The following UST variants were observed in gnomAD, a reference collection of about 807,000 sequenced individuals.
UST encodes chondroitin sulfate 2-O-sulfotransferase.
Under a neutral mutation model 45.6 loss-of-function variants are expected in UST, and 21 were observed. That is an observed-to-expected ratio of 0.46 (90% CI 0.33 to 0.66). The LOEUF is 0.66. Ranked by LOEUF, UST falls within the 30% of genes least tolerant of loss-of-function variation. The pLI is 0.02. For missense variants in UST, 463 were observed against 512.4 expected, an observed-to-expected ratio of 0.90 and a Z score of 0.93; for synonymous variants, 215 against 200.6, an observed-to-expected ratio of 1.07 and a Z score of -0.61.
chr6:148,952,870 G>A (rs1174291929), intron 3 of UST, among the ~76,000 whole-genome samples: 1 of 152,180 alleles, frequency 6.6e-6, no homozygotes, highest in Non-Finnish European at 1.5e-5. Flanking sequence ...AAAAACTAGG[G>A]AAAGAGAAGT....
intron 2 of UST, among the ~76,000 whole-genome samples, chr6:148,929,217 T>C (rs117058154): frequency 0.03 from 4,500 of 152,232 alleles, 78 homozygotes; most frequent in Non-Finnish European, 0.038. Context: ...TTAGCAGAAA[T>C]CTGACTTGTT....
At chr6:149,021,292 C>A (rs536325698) in intron 6 of UST, 32 bp from the exon 7 acceptor site, 884 of 1,557,334 alleles carry the variant, frequency 5.7e-4, no homozygotes, top group Non-Finnish European at 7.3e-4. Context: ...ATATGAATGT[C>A]TGATTTTAAA....
At chr6:149,036,455 T>TA (rs1205119972) in intron 7 of UST, among the ~76,000 whole-genome samples, 3 of 152,242 alleles carry the variant, frequency 2.0e-5, no homozygotes, top group African/African-American at 7.2e-5. Context: ...CATCTTTTAA[T>TA]AAAATGCCAT....
At chr6:148,964,658 C>T (rs1424367481) in intron 5 of UST, 95 bp downstream of exon 5, 29 of 1,507,440 alleles carry the variant, frequency 1.9e-5, no homozygotes, top group African/African-American at 4.1e-5. Context: ...CAGGCCTTCT[C>T]CTTGGCGCCT....
intron 1 of UST, among the ~76,000 whole-genome samples, chr6:148,865,664 TTGTG>T (rs56252604): frequency 0.28 from 32,283 of 117,200 alleles, 3,935 homozygotes; most frequent in East Asian, 0.36. Context: ...CTTGCTGAAA[TTGTG>T]TGTGTGTGTG....
intron 7 of UST, among the ~76,000 whole-genome samples, chr6:149,063,028 A>G (rs1326739266): frequency 6.6e-6 from 1 of 152,168 alleles, no homozygotes; most frequent in Non-Finnish European, 1.5e-5. Context: ...CTCTACCAAC[A>G]TTGGGTGGCC....
intron 1 of UST, among the ~76,000 whole-genome samples, chr6:148,877,975 A>ATCGTGTATGAGTGTGGGGG: frequency 8.6e-5 from 1 of 11,634 alleles, no homozygotes; most frequent in African/African-American, 3.3e-4. Flanking sequence ...GAGTGGGGGG[A>ATCGTGTATGAGTGTGGGGG]TCGTGTACGA....
intron 1 of UST, among the ~76,000 whole-genome samples, chr6:148,843,491 T>C (rs113823800): frequency 0.016 from 2,510 of 152,358 alleles, 33 homozygotes; most frequent in Non-Finnish European, 0.027. Flanking sequence ...AGTGAGCTAA[T>C]GTTTTGAAGT....
At chr6:148,862,827 C>G (rs1247481791) in intron 1 of UST, among the ~76,000 whole-genome samples, 1 of 152,156 alleles carries the variant, frequency 6.6e-6, no homozygotes, top group African/African-American at 2.4e-5. Context: ...ATATTGGCCC[C>G]CACTCTCTTC....
intron 7 of UST, among the ~76,000 whole-genome samples, chr6:149,069,602 C>T (rs1776789243): frequency 6.6e-6 from 1 of 152,146 alleles, no homozygotes; most frequent in Non-Finnish European, 1.5e-5. Context: ...ACCTGCTCTG[C>T]CCATCCACCA....
intron 5 of UST, among the ~76,000 whole-genome samples, chr6:149,011,436 T>C (rs1447801435): frequency 6.6e-6 from 1 of 152,206 alleles, no homozygotes; most frequent in Non-Finnish European, 1.5e-5. Context: ...AAAAATAATT[T>C]AATTGTCCAT....
intron 1 of UST, among the ~76,000 whole-genome samples, chr6:148,749,401 A>G (rs1775945743): frequency 6.6e-6 from 1 of 152,134 alleles, no homozygotes; most frequent in Non-Finnish European, 1.5e-5. Context: ...AGTTCTTTTT[A>G]AGTAATAGAT....
At chr6:149,019,615 C>T (rs1029467097) in intron 6 of UST, among the ~76,000 whole-genome samples, 1 of 152,206 alleles carries the variant, frequency 6.6e-6, no homozygotes, top group Non-Finnish European at 1.5e-5. Flanking sequence ...CCAGCCTGCT[C>T]CTGTACAGTG....
chr6:148,923,036 G>A (rs540090675), intron 2 of UST, among the ~76,000 whole-genome samples: 1 of 152,042 alleles, frequency 6.6e-6, no homozygotes, highest in South Asian at 2.1e-4. Flanking sequence ...GGCCTCAAGT[G>A]ATCCACCCAT....
intron 1 of UST, among the ~76,000 whole-genome samples, chr6:148,838,341 G>A (rs1038398386): frequency 1.3e-5 from 2 of 152,188 alleles, no homozygotes; most frequent in East Asian, 3.8e-4. Flanking sequence ...GCCAGGACAC[G>A]AGGTCAGAGA....
intron 1 of UST, among the ~76,000 whole-genome samples, chr6:148,793,268 T>C (rs1776885442): frequency 7.1e-6 from 1 of 140,700 alleles, no homozygotes; most frequent in South Asian, 2.2e-4. Context: ...GAGTTACTTT[T>C]GTAATATGTA....
chr6:148,759,382 C>T (rs1030537095), intron 1 of UST, among the ~76,000 whole-genome samples: 1 of 150,964 alleles, frequency 6.6e-6, no homozygotes, highest in African/African-American at 2.4e-5. Flanking sequence ...AAAAAATTAG[C>T]CGGGCGTGGT....
chr6:149,033,710 A>G (rs2486412), intron 7 of UST, among the ~76,000 whole-genome samples: 1,825 of 152,258 alleles, frequency 0.012, 13 homozygotes, highest in Non-Finnish European at 0.017. Context: ...ACCATAGCAT[A>G]CGCTTCTAGA....
intron 1 of UST, among the ~76,000 whole-genome samples, chr6:148,752,731 A>T (rs530100054): frequency 6.6e-6 from 1 of 152,246 alleles, no homozygotes; most frequent in Non-Finnish European, 1.5e-5. Flanking sequence ...GAGTCCCAAA[A>T]TAAATAGTAT....
Sources: gnomAD v4.1 joint callset for allele counts (sites outside exome capture counted in the v4.1 genomes callset) on GRCh38, gnomAD v4.1.1 for gene constraint, MANE v1.5 for transcripts, NCBI Gene and HGNC (gene_info 2026-07-23, HGNC 2026-07-21) for gene names.